The following BAIAP2L2 variants were observed in gnomAD, a reference collection of about 807,000 sequenced individuals.
BAIAP2L2 encodes the protein BAR/IMD domain containing adaptor protein 2 like 2.
Under a neutral mutation model 60.4 loss-of-function variants are expected in BAIAP2L2, and 65 were observed. That is an observed-to-expected ratio of 1.08 (90% CI 0.88 to 1.32). BAIAP2L2 has a LOEUF of 1.32. Among genes scored for constraint, BAIAP2L2 ranks in the 40% most tolerant of loss-of-function variants. The pLI is 0.00. For missense variants in BAIAP2L2, 836 were observed against 741.2 expected, an observed-to-expected ratio of 1.13 and a Z score of -1.48; for synonymous variants, 344 against 301.7, an observed-to-expected ratio of 1.14 and a Z score of -1.45.
chr22:38,086,176 CG>C, intron 12 of BAIAP2L2, 65 bp downstream of exon 12: 1 of 1,518,062 alleles, frequency 6.6e-7, no homozygotes. Context: ...GACAGAGCCT[CG>C]GGATCCCTGC....
chr22:38,086,301 G>A lies in BAIAP2L2; in HGVS notation c.1408C>T (p.Pro470Ser). 6.3e-7 allele frequency: 1 copy of A among 1,590,106 alleles called. No homozygotes were observed. The highest frequency in any genetic ancestry group is 8.6e-7 in the Non-Finnish European group (1 of 1,164,954). The change falls in exon 12 of 14, where the codon CCC becomes TCC. Residue 470 changes from proline (P) to serine (S), a missense_variant. Pro to Ser is a moderately conservative substitution (Grantham distance 74, BLOSUM62 -1). Coordinates refer to ENST00000381669, the MANE Select transcript of BAIAP2L2 (RefSeq NM_025045.6). ...PSRAPSPAPP[P>S]LPSSRRSSMG... ...CTGCTGCGGCGGCTGCTGGGCAAGG[G>A]TGGAGGTGCAGGGCTGGGGGCACGG...
intron 1 of BAIAP2L2, among the ~76,000 whole-genome samples, chr22:38,110,150 GGAGAGACAGAGAGA>G (rs1569234616): frequency 0.012 from 370 of 30,504 alleles, 8 homozygotes; most frequent in African/African-American, 0.094. Flanking sequence ...AGAGAGAGAG[GGAGAGACAGAGAGA>G]GAGAGGGAGG....
intron 4 of BAIAP2L2, 24 bp from the exon 5 acceptor site, chr22:38,098,506 T>A: frequency 6.2e-7 from 1 of 1,600,284 alleles, no homozygotes; most frequent in East Asian, 2.2e-5. Flanking sequence ...AGGGTGAGGG[T>A]GATCAAGGCC....
intron 11 of BAIAP2L2, among the ~76,000 whole-genome samples, chr22:38,086,656 G>T (rs926025426): frequency 6.6e-6 from 1 of 152,108 alleles, no homozygotes; most frequent in Non-Finnish European, 1.5e-5. Context: ...AGGGGCTCAG[G>T]GCCGGTGGTT....
At chr22:38,087,330 G>T in intron 10 of BAIAP2L2, 66 bp from the exon 11 acceptor site, 1 of 1,548,052 alleles carries the variant, frequency 6.5e-7, no homozygotes, top group Non-Finnish European at 8.7e-7. Context: ...ACCAAAAGAA[G>T]ACATCCTCCC....
chr22:38,099,807 C>A (rs912325555), intron 4 of BAIAP2L2, among the ~76,000 whole-genome samples: 1 of 152,236 alleles, frequency 6.6e-6, no homozygotes, highest in Non-Finnish European at 1.5e-5. Context: ...GTCCACACAC[C>A]CTTTTCCCAC....
At chr22:38,086,492 T>C in intron 11 of BAIAP2L2, 43 bp from the exon 12 acceptor site, 7 of 1,399,436 alleles carry the variant, frequency 5.0e-6, no homozygotes, top group Non-Finnish European at 6.7e-6. Context: ...GGTTGGGGCC[T>C]GTCCAATCCC....
intron 7 of BAIAP2L2, among the ~76,000 whole-genome samples, chr22:38,096,627 C>T (rs1014352856): frequency 3.3e-5 from 5 of 151,988 alleles, no homozygotes; most frequent in African/African-American, 9.7e-5. Context: ...TGCACTCCAG[C>T]CTGGGCAACA....
chr22:38,085,319 G>C lies in BAIAP2L2; in HGVS notation c.1571C>G (p.Ser524Ter), dbSNP rs749408989. 1 of 1,613,944 alleles carries C rather than the reference G, an allele frequency of 6.2e-7. No individual in the cohort carries two copies. The highest frequency in any genetic ancestry group is 1.3e-5 in the African/African-American group (1 of 74,932). Residue 524 changes from serine (S) to a stop codon, truncating the protein, a stop_gained, in exon 14 of 14, where the codon TCA (serine) becomes TGA (stop). Coordinates refer to ENST00000381669, the MANE Select transcript of BAIAP2L2 (RefSeq NM_025045.6). LOFTEE classifies it high-confidence loss of function. Reference protein sequence around the residue: ...KLRPTITNDRSAPLIR With the variant: ...KLRPTITNDR The stretch of plus-strand genomic sequence containing the variant: ...CCCGCCTCAGCGGATGAGGGGTGCT[G>C]AGCGGTCATTGGTGATGGTGGGACG...
chr22:38,087,671 T>G (rs1244553224), intron 10 of BAIAP2L2, among the ~76,000 whole-genome samples: 1 of 151,964 alleles, frequency 6.6e-6, no homozygotes, highest in East Asian at 1.9e-4. Context: ...CCCCTTCCGT[T>G]CCTGTCCCTG....
rs528125183 is a variant in BAIAP2L2 at position 38,084,953 on chromosome 22, C to T, written c.*347G>A. Reference sequence around the variant, plus strand: ...ATTTACAAAAGATGTACAGAGAGGGCATGTGTTGGGCACGGAGCAGGTACA... The same window carrying T: ...ATTTACAAAAGATGTACAGAGAGGGTATGTGTTGGGCACGGAGCAGGTACA... On this transcript the variant is annotated 3_prime_UTR_variant, in exon 14 of 14. Transcript: ENST00000381669. The T allele has an allele frequency of 6.9e-5, 18 of 261,964 alleles. No homozygotes were observed. Among genetic ancestry groups the T allele is most frequent in the African/African-American group, 3.8e-4 (17 of 44,938 alleles). The allele number at this position is 261,964 out of a possible 1,614,324, so 16.2% of individuals were successfully genotyped here.
intron 7 of BAIAP2L2, among the ~76,000 whole-genome samples, chr22:38,093,551 G>T (rs132934): frequency 0.38 from 57,987 of 152,074 alleles, 12,575 homozygotes; most frequent in South Asian, 0.56. Context: ...TTTAACACAG[G>T]TGAAAAAGAG....
At chr22:38,109,097 C>T (rs1200910875) in intron 2 of BAIAP2L2, 36 bp downstream of exon 2, 1 of 1,569,512 alleles carries the variant, frequency 6.4e-7, no homozygotes, top group East Asian at 2.2e-5. Flanking sequence ...AGCAGAGGCC[C>T]AGGGCTGGGG....
intron 1 of BAIAP2L2, among the ~76,000 whole-genome samples, 168 bp from the exon 2 acceptor site, chr22:38,109,376 G>T (rs996928179): frequency 1.2e-4 from 19 of 152,054 alleles, no homozygotes; most frequent in Admixed American, 5.2e-4. Flanking sequence ...CAGAATCCTG[G>T]CTCTTGGCTG....
chr22:38,085,386 A>G lies in BAIAP2L2; in HGVS notation c.1515-11T>C. On this transcript the variant is annotated splice_polypyrimidine_tract_variant and intron_variant, in intron 13 of 13. Transcript: ENST00000381669. ...AAAGGATTTGTGCCCCTGTAGGAGG[A>G]GAGAGAGAATGGGGTGAGAAGGGCA... The G allele has an allele frequency of 6.2e-7, 1 of 1,612,110 alleles. No homozygotes were observed. The highest frequency in any genetic ancestry group is 8.5e-7 in the Non-Finnish European group (1 of 1,178,562).
rs973244859 is a variant in BAIAP2L2 at position 38,103,798 on chromosome 22, C to T, written c.276+4054G>A. 5.4e-5 allele frequency among the ~76,000 whole-genome samples: 8 copies of T among 148,578 alleles called. No individual in the cohort carries two copies. The Admixed American group carries it at 5.5e-4, about 10-fold the overall frequency. On this transcript the variant is annotated intron_variant, in intron 4 of 13. Transcript: ENST00000381669. Reference sequence around the variant, plus strand: ...GAATTGCTTGAACCTGGGAGGCGGACGTTGCAGTGAGCCGAGATTGCATCA... The same window carrying T: ...GAATTGCTTGAACCTGGGAGGCGGATGTTGCAGTGAGCCGAGATTGCATCA...
At position 38,089,185 on chromosome 22, in the gene BAIAP2L2, C is replaced by T. The variant is rs1373236996; in HGVS notation, c.812G>A (p.Gly271Asp). Reference protein sequence around the residue: ...GEFSSPRSRHGSGSYGTEPDA... With the variant: ...GEFSSPRSRHDSGSYGTEPDA... ...GGGCTCGGTGCCGTAGGAGCCGGAG[C>T]CGTGCCGGCTGCGGGGGGAGCTGAA... The change falls in exon 9 of 14, where the codon GGC (glycine) becomes GAC (aspartate). Residue 271 changes from glycine (G) to aspartate (D), a missense_variant. Coordinates refer to ENST00000381669, the MANE Select transcript of BAIAP2L2 (RefSeq NM_025045.6). The T allele has an allele frequency of 5.5e-6, 7 of 1,275,080 alleles. No homozygotes were observed. The highest frequency in any genetic ancestry group is 6.9e-6 in the Non-Finnish European group (7 of 1,011,334). The allele number at this position is 1,275,080 out of a possible 1,614,324, so 79.0% of individuals were successfully genotyped here.
intron 7 of BAIAP2L2, among the ~76,000 whole-genome samples, chr22:38,096,507 T>C (rs1408974241): frequency 6.6e-6 from 1 of 151,998 alleles, no homozygotes; most frequent in East Asian, 1.9e-4. Flanking sequence ...ATACAAAAAT[T>C]AGCCGGGCGT....
chr22:38,109,885 G>T lies in BAIAP2L2; in HGVS notation c.51+590C>A, dbSNP rs74597434. 6.2e-3 allele frequency among the ~76,000 whole-genome samples: 931 copies of T among 151,270 alleles called. 13 individuals carry two copies. Among genetic ancestry groups the T allele is most frequent in the African/African-American group, 0.021 (881 of 41,188 alleles). On this transcript the variant is annotated intron_variant, in intron 1 of 13. Transcript: ENST00000381669. ...AGTTTTCTCATCTATCAAGCAGGGT[G>T]GTCATTTTCCACCTCACAGGTGGGT...
Sources: gnomAD v4.1 joint callset for allele counts (sites outside exome capture counted in the v4.1 genomes callset) on GRCh38, gnomAD v4.1.1 for gene constraint, MANE v1.5 for transcripts, NCBI Gene and HGNC (gene_info 2026-07-23, HGNC 2026-07-21) for gene names.